Variants in EYA2 observed in about 807,000 individuals in gnomAD.
EYA2 encodes the protein protein phosphatase EYA2.
In EYA2, 31 loss-of-function variants were observed where a neutral mutation model predicts 69.2. That is an observed-to-expected ratio of 0.45 (90% CI 0.34 to 0.60). EYA2 has a LOEUF of 0.60. Ranked by LOEUF, EYA2 falls within the 20% of genes least tolerant of loss-of-function variation. The probability of loss-of-function intolerance (pLI) is 0.02; values close to 1 mark genes in which losing one functional copy is unlikely to be tolerated. For missense variants in EYA2, 622 were observed against 701.2 expected (o/e 0.89, Z 1.28); for synonymous variants, 257 against 279.4 (o/e 0.92, Z 0.80).
intron 5 of EYA2, among the ~76,000 whole-genome samples, chr20:47,038,494 TAAATAA>T (rs1984842378): frequency 6.6e-6 from 1 of 152,080 alleles, no homozygotes. Context: ...TTGTCTCAAA[TAAATAA>T]AAATATAAAT....
intron 9 of EYA2, among the ~76,000 whole-genome samples, chr20:47,109,703 T>G (rs1345261967): frequency 1.3e-5 from 2 of 152,130 alleles, no homozygotes; most frequent in Admixed American, 1.3e-4. Context: ...TTTTAGATCC[T>G]CCCACATTGC....
At position 47,169,159 on chromosome 20, in the gene EYA2, TGATGACGTCTCATCA is replaced by T; in HGVS notation, c.1006_1020del (p.Val336_Asp340del). 6.2e-7 allele frequency: 1 copy of T among 1,614,080 alleles called. No individual in the cohort carries two copies. Among genetic ancestry groups the T allele is most frequent in the Non-Finnish European group, 8.5e-7 (1 of 1,180,012 alleles). Reference sequence around the variant, plus strand: ...CATAGGATTGTGACCAGATCCACGTTGATGACGTCTCATCAGATGACAATGGCCAAGATTTAAGGT... The same window carrying T: ...CATAGGATTGTGACCAGATCCACGTTGATGACAATGGCCAAGATTTAAGGT... On this transcript the variant is annotated inframe_deletion, in exon 11 of 16. Transcript: ENST00000327619.
Position 47,072,169 on chromosome 20 carries a change from T to C in EYA2, c.416-16T>C, listed in dbSNP as rs766238779. ...ACAAGAACCCTAACCTGTACCCCTGTTCCTCCTTCCCACAGGCACAACAGG... is the reference window on the plus strand; with the variant it reads ...ACAAGAACCCTAACCTGTACCCCTGCTCCTCCTTCCCACAGGCACAACAGG... On this transcript the variant is annotated splice_polypyrimidine_tract_variant and intron_variant, in intron 5 of 15. Transcript: ENST00000327619. The C allele has an allele frequency of 7.4e-6, 12 of 1,610,814 alleles. No homozygotes were observed. Among genetic ancestry groups the C allele is most frequent in the African/African-American group, 1.3e-5 (1 of 74,876 alleles).
intron 4 of EYA2, among the ~76,000 whole-genome samples, chr20:47,007,902 A>T (rs1047925570): frequency 6.6e-6 from 1 of 152,096 alleles, no homozygotes; most frequent in Non-Finnish European, 1.5e-5. Flanking sequence ...TGCTACAATG[A>T]CAGGCATGAG....
intron 10 of EYA2, among the ~76,000 whole-genome samples, chr20:47,144,786 A>G (rs886215301): frequency 6.6e-6 from 1 of 152,224 alleles, no homozygotes; most frequent in African/African-American, 2.4e-5. Context: ...AATAAATACC[A>G]TTGGCTTCAA....
At chr20:46,973,936 C>T (rs1238939670) in intron 1 of EYA2, among the ~76,000 whole-genome samples, 4 of 152,118 alleles carry the variant, frequency 2.6e-5, no homozygotes, top group Non-Finnish European at 5.9e-5. Flanking sequence ...ATTAGAGGAG[C>T]TCAGTCATTA....
chr20:47,140,663 A>G (rs922528364), intron 9 of EYA2, among the ~76,000 whole-genome samples: 3 of 152,152 alleles, frequency 2.0e-5, no homozygotes, highest in Non-Finnish European at 4.4e-5. Flanking sequence ...GTTAGCTTGT[A>G]TGGCCTTGAA....
intron 5 of EYA2, among the ~76,000 whole-genome samples, chr20:47,047,876 C>T (rs968034441): frequency 6.6e-6 from 1 of 152,008 alleles, no homozygotes; most frequent in African/African-American, 2.4e-5. Flanking sequence ...ATTCATTTTC[C>T]CTGCTGCCCG....
intron 1 of EYA2, among the ~76,000 whole-genome samples, chr20:46,929,548 T>G (rs891902665): frequency 3.3e-5 from 5 of 152,022 alleles, no homozygotes; most frequent in Admixed American, 3.3e-4. Context: ...CATGCAGTAG[T>G]GAGTGGACTG....
chr20:46,945,383 T>C (rs757337985), intron 1 of EYA2, among the ~76,000 whole-genome samples: 1 of 152,190 alleles, frequency 6.6e-6, no homozygotes, highest in Non-Finnish European at 1.5e-5. Flanking sequence ...AAATTCCCTG[T>C]GTTTAACCAG....
intron 7 of EYA2, among the ~76,000 whole-genome samples, chr20:47,086,878 A>G (rs1028389348): frequency 6.6e-6 from 1 of 151,738 alleles, no homozygotes; most frequent in African/African-American, 2.4e-5. Context: ...TTCTTAGATA[A>G]CTAGCATTTA....
chr20:46,978,726 G>C (rs921568146), intron 1 of EYA2: 1 of 532,800 alleles, frequency 1.9e-6, no homozygotes, highest in Non-Finnish European at 3.9e-6. Flanking sequence ...GAGGTGGGCA[G>C]GGGGGCTGCC....
intron 10 of EYA2, among the ~76,000 whole-genome samples, chr20:47,162,186 G>A (rs1180966715): frequency 3.3e-5 from 5 of 152,040 alleles, no homozygotes; most frequent in Non-Finnish European, 5.9e-5. Flanking sequence ...CATATTGGAT[G>A]AAGGCCCACG....
chr20:47,007,510 A>G (rs993803539), intron 4 of EYA2, among the ~76,000 whole-genome samples: 2 of 152,208 alleles, frequency 1.3e-5, no homozygotes, highest in African/African-American at 2.4e-5. Flanking sequence ...TCCGAGGCCC[A>G]GGAAAGATTT....
chr20:47,055,399 G>A (rs1044512390), intron 5 of EYA2, among the ~76,000 whole-genome samples: 2 of 152,238 alleles, frequency 1.3e-5, no homozygotes, highest in Admixed American at 6.5e-5. Context: ...CACACTGGGT[G>A]AAGGCAGATG....
At chr20:47,005,874 G>A (rs966058921) in intron 4 of EYA2, among the ~76,000 whole-genome samples, 5 of 152,128 alleles carry the variant, frequency 3.3e-5, no homozygotes, top group Non-Finnish European at 5.9e-5. Flanking sequence ...CTATTCCCTC[G>A]CCTCCTAGCT....
intron 1 of EYA2, among the ~76,000 whole-genome samples, chr20:46,972,152 G>T (rs983671793): frequency 6.6e-6 from 1 of 152,194 alleles, no homozygotes; most frequent in Non-Finnish European, 1.5e-5. Context: ...AGGATTTGTT[G>T]CAGAAGGAAC....
intron 11 of EYA2, among the ~76,000 whole-genome samples, chr20:47,170,759 C>A (rs1385668679): frequency 1.3e-5 from 2 of 152,140 alleles, no homozygotes; most frequent in African/African-American, 2.4e-5. Flanking sequence ...TGTGCTCATC[C>A]AAAATTACCA....
chr20:47,147,147 C>G (rs1456651357), intron 10 of EYA2, among the ~76,000 whole-genome samples: 1 of 146,580 alleles, frequency 6.8e-6, no homozygotes, highest in Non-Finnish European at 1.5e-5. Context: ...CTCCTGGGTT[C>G]AAGCGATTCT....
Sources: allele counts gnomAD v4.1 joint callset (sites outside exome capture counted in the v4.1 genomes callset), GRCh38; gene constraint gnomAD v4.1.1; transcripts MANE v1.5; gene names NCBI Gene and HGNC (gene_info 2026-07-23, HGNC 2026-07-21).